TMEM26: variants seen among roughly 807,000 people sequenced by gnomAD.
TMEM26 encodes the protein transmembrane protein 26.
A neutral mutation model predicts 28.8 loss-of-function variants in TMEM26; 38 were observed. The observed-to-expected ratio is 1.32, with a 90% confidence interval of 1.02 to 1.73. The LOEUF is 1.73. TMEM26 is among the 40% of genes most tolerant of loss of function. TMEM26 has a pLI of 0.00. For missense variants in TMEM26, 518 were observed against 447.1 expected, an observed-to-expected ratio of 1.16 and a Z score of -1.43; for synonymous variants, 227 against 182.9, an observed-to-expected ratio of 1.24 and a Z score of -1.95.
At chr10:61,438,993 C>T (rs1029788160) in intron 1 of TMEM26, among the ~76,000 whole-genome samples, 6 of 152,192 alleles carry the variant, frequency 3.9e-5, no homozygotes, top group African/African-American at 1.4e-4. Flanking sequence ...TCAACTCAAT[C>T]CTCAGCCTTG....
Position 61,429,109 on chromosome 10 carries a change from T to C in TMEM26, c.422A>G (p.Glu141Gly), listed in dbSNP as rs374636141. Residue 141 changes from glutamate (E) to glycine (G), a missense_variant, in exon 4 of 6, where the codon GAG becomes GGG. Glu to Gly is a moderately conservative substitution (Grantham distance 98, BLOSUM62 -2). Transcript: ENST00000399298. ...ATGGAGTCCCAATGTCCAAACTTTCTCACATACTGTAGATAAGTTATTCAC... is the reference window on the plus strand; with the variant it reads ...ATGGAGTCCCAATGTCCAAACTTTCCCACATACTGTAGATAAGTTATTCAC... ...VFVNNLSTVC[E>G]KVWTLGLHQT... The C allele has an allele frequency of 1.3e-5, 21 of 1,613,076 alleles. No individual in the cohort carries two copies. Among genetic ancestry groups the C allele is most frequent in the Non-Finnish European group, 1.7e-5 (20 of 1,179,416 alleles).
rs754355181 is a variant in TMEM26, at chr10:61,453,044, C to T, written c.38G>A (p.Arg13Gln). Residue 13 changes from arginine to glutamine, a missense_variant, in exon 1 of 6, where the codon CGG (arginine) becomes CAG (glutamine). Coordinates refer to ENST00000399298, the MANE Select transcript of TMEM26 (RefSeq NM_178505.8). Reference sequence around the variant, plus strand: ...CAGCGAGTGCAGCAGGAACAGCAACCGAGTGGCCAGGGCGTTAAGGAAGAC... The same window carrying T: ...CAGCGAGTGCAGCAGGAACAGCAACTGAGTGGCCAGGGCGTTAAGGAAGAC... ...GLVFLNALAT[R>Q]LLFLLHSLVG... 7.4e-6 allele frequency: 12 copies of T among 1,613,594 alleles called. No homozygotes were observed. Among genetic ancestry groups the T allele is most frequent in the African/African-American group, 1.3e-5 (1 of 74,916 alleles).
intron 5 of TMEM26, chr10:61,413,034 T>TGGGTCTGAA: frequency 1.7e-5 from 20 of 1,161,242 alleles, no homozygotes; most frequent in Middle Eastern, 2.7e-4. Context: ...TTACAAATAA[T>TGGGTCTGAA]AAGAAATAAA....
intron 1 of TMEM26, among the ~76,000 whole-genome samples, chr10:61,437,507 G>A (rs1840026856): frequency 6.6e-6 from 1 of 152,136 alleles, no homozygotes; most frequent in Non-Finnish European, 1.5e-5. Flanking sequence ...AATTGGTCTG[G>A]GCACGGTGGC....
At chr10:61,412,960 T>C (rs1839591876) in intron 5 of TMEM26, 1 of 1,301,872 alleles carries the variant, frequency 7.7e-7, no homozygotes, top group East Asian at 5.5e-5. Context: ...AGGACAATTT[T>C]AACTGCTCCT....
At chr10:61,428,813 T>C in intron 4 of TMEM26, 113 bp downstream of exon 4, 1 of 881,334 alleles carries the variant, frequency 1.1e-6, no homozygotes, top group Non-Finnish European at 1.8e-6. Flanking sequence ...TAACGTTGCA[T>C]ATAAAATATA....
chr10:61,432,178 A>C (rs760273576), intron 2 of TMEM26, among the ~76,000 whole-genome samples: 1 of 152,040 alleles, frequency 6.6e-6, no homozygotes, highest in African/African-American at 2.4e-5. Context: ...CTAAAATATC[A>C]TATTGCTTAA....
intron 4 of TMEM26, among the ~76,000 whole-genome samples, chr10:61,418,162 T>C (rs1359880221): frequency 6.6e-6 from 1 of 151,966 alleles, no homozygotes; most frequent in Non-Finnish European, 1.5e-5. Context: ...TAAACTCAAC[T>C]CTGCTAAAAC....
chr10:61,413,461 G>A lies in TMEM26; in HGVS notation c.680C>T (p.Ala227Val). The change falls in exon 5 of 6, where the codon GCA becomes GTA. Residue 227 changes from alanine to valine, a missense_variant and splice_region_variant. Coordinates refer to ENST00000399298, the MANE Select transcript of TMEM26 (RefSeq NM_178505.8). The stretch of plus-strand genomic sequence containing the variant: ...TGCACAAACATCAGGATACTTACCT[G>A]CCAGGTCAAGTGGAAACTGCAGCAT... ...WSMLQFPLDL[A>V]VQNVVCPVSV... The A allele has an allele frequency of 6.2e-7, 1 of 1,612,562 alleles. No homozygotes were observed. The highest frequency in any genetic ancestry group is 8.5e-7 in the Non-Finnish European group (1 of 1,179,140).
rs771218224 is a variant in TMEM26, at chr10:61,410,466, G to A, written c.963C>T (p.Gly321=). 5 of 1,614,064 alleles carry A rather than the reference G, an allele frequency of 3.1e-6. No homozygotes were observed. The Admixed American group carries it at 6.7e-5, about 22-fold the overall frequency. The part of the protein sequence containing the change: ...VRASLRSQSE[G]LKGEHGCRAQ... ...CCCGGCAACCATGTTCTCCTTTCAG[G>A]CCTTCTGACTGACTTCTCAACGAAG... Residue 321 remains glycine (G), a synonymous_variant, in exon 6 of 6, where the codon GGC becomes GGT. Coordinates refer to ENST00000399298, the MANE Select transcript of TMEM26 (RefSeq NM_178505.8).
chr10:61,421,409 C>T (rs1001357109), intron 4 of TMEM26, among the ~76,000 whole-genome samples: 2 of 152,040 alleles, frequency 1.3e-5, no homozygotes, highest in Non-Finnish European at 2.9e-5. Flanking sequence ...AGTGTACCAG[C>T]TTGAATAGTG....
At chr10:61,420,617 T>C (rs1218828271) in intron 4 of TMEM26, among the ~76,000 whole-genome samples, 1 of 151,972 alleles carries the variant, frequency 6.6e-6, no homozygotes, top group Admixed American at 6.6e-5. Context: ...CTGTAAACTA[T>C]GTTTTTCCTC....
intron 4 of TMEM26, among the ~76,000 whole-genome samples, chr10:61,417,212 T>C (rs1467405215): frequency 6.6e-6 from 1 of 152,034 alleles, no homozygotes; most frequent in Admixed American, 6.6e-5. Flanking sequence ...CTGAGAAGCA[T>C]GTAAGCAGAC....
At chr10:61,436,079 T>C in intron 2 of TMEM26, 91 bp downstream of exon 2, 1 of 791,218 alleles carries the variant, frequency 1.3e-6, no homozygotes, top group Admixed American at 2.6e-5. Flanking sequence ...TCCAGTACCT[T>C]AGAAAAGTGC....
chr10:61,452,472 G>A (rs1236028172), intron 1 of TMEM26, among the ~76,000 whole-genome samples: 1 of 152,236 alleles, frequency 6.6e-6, no homozygotes, highest in Non-Finnish European at 1.5e-5. Context: ...GCCCAGCGAA[G>A]GACATTCCCA....
intron 5 of TMEM26, 71 bp from the exon 6 acceptor site, chr10:61,410,817 C>A: frequency 6.8e-7 from 1 of 1,463,658 alleles, no homozygotes; most frequent in South Asian, 1.3e-5. Flanking sequence ...GCCATGGGGA[C>A]GAGTCATTAA....
intron 4 of TMEM26, among the ~76,000 whole-genome samples, chr10:61,427,537 A>T (rs1182647548): frequency 1.3e-5 from 2 of 152,100 alleles, no homozygotes; most frequent in African/African-American, 2.4e-5. Context: ...ATTATTTAAT[A>T]TTCAACCTTT....
intron 5 of TMEM26, among the ~76,000 whole-genome samples, chr10:61,412,499 G>A (rs1335099793): frequency 6.6e-6 from 1 of 152,100 alleles, no homozygotes; most frequent in Non-Finnish European, 1.5e-5. Context: ...GGCAATTAAG[G>A]TGTAATAAAT....
At position 61,409,310 on chromosome 10, in the gene TMEM26, T is replaced by C. The variant is rs1160413024; in HGVS notation, c.*1012A>G. 6.6e-6 allele frequency: 1 copy of C among 152,216 alleles called. No homozygotes were observed. The highest frequency in any genetic ancestry group is 6.5e-5 in the Admixed American group (1 of 15,282). The allele number at this position is 152,216 out of a possible 1,614,324, so 9.4% of individuals were successfully genotyped here. On this transcript the variant is annotated 3_prime_UTR_variant, in exon 6 of 6. Coordinates refer to ENST00000399298, the MANE Select transcript of TMEM26 (RefSeq NM_178505.8). ...ACTCCCGTCACTCAACAAGGGCTGT[T>C]GGCCATGGGTGGAGCTGATGCAACC...
Sources: gnomAD v4.1 joint callset for allele counts (sites outside exome capture counted in the v4.1 genomes callset) on GRCh38, gnomAD v4.1.1 for gene constraint, MANE v1.5 for transcripts, NCBI Gene and HGNC (gene_info 2026-07-23, HGNC 2026-07-21) for gene names.